The following MTUS2 variants were observed in gnomAD, a reference collection of about 807,000 sequenced individuals.
The protein encoded by MTUS2 is microtubule associated scaffold protein 2.
In MTUS2, 40 loss-of-function variants were observed where a neutral mutation model predicts 114.1. That is an observed-to-expected ratio of 0.35 (90% confidence interval 0.27 to 0.46). The LOEUF is 0.46. Among genes scored for constraint, MTUS2 ranks in the 20% least tolerant of loss-of-function variants. The pLI is 1.00. For synonymous variants in MTUS2, 688 were observed against 672.0 expected, an observed-to-expected ratio of 1.02 and a Z score of -0.37; for missense variants, 1,679 against 1,705.4, an observed-to-expected ratio of 0.98 and a Z score of 0.27.
chr13:28,956,109 C>T lies in MTUS2; in HGVS notation c.-242-68348C>T, dbSNP rs1398649835. Among the ~76,000 whole-genome samples, 5 of 147,040 alleles carry T rather than the reference C, an allele frequency of 3.4e-5. No individual in the cohort carries two copies. In the East Asian group the frequency reaches 1.1e-3, roughly 31 times the overall value. On this transcript the variant is annotated intron_variant, in intron 2 of 15. Coordinates refer to ENST00000612955, the MANE Select transcript of MTUS2 (RefSeq NM_001033602.4). Reference sequence around the variant, plus strand: ...AAAGTCCATTCTGTCATTCTTATGCCTTTGCGTCCTCATAGCTTAGCTCCC... The same window carrying T: ...AAAGTCCATTCTGTCATTCTTATGCTTTTGCGTCCTCATAGCTTAGCTCCC...
chr13:29,397,030 A>G (rs1433335400), intron 8 of MTUS2, among the ~76,000 whole-genome samples: 3 of 152,166 alleles, frequency 2.0e-5, no homozygotes, highest in Non-Finnish European at 1.5e-5. Flanking sequence ...GCTCTAGGAA[A>G]ACCTATAAGG....
chr13:28,884,602 CAT>C (rs1878481393), intron 2 of MTUS2, among the ~76,000 whole-genome samples: 2 of 152,176 alleles, frequency 1.3e-5, no homozygotes, highest in South Asian at 4.1e-4. Flanking sequence ...ACGGCACACA[CAT>C]ATACACACTT....
intron 8 of MTUS2, among the ~76,000 whole-genome samples, chr13:29,408,473 G>A (rs1003340856): frequency 3.3e-5 from 5 of 152,022 alleles, no homozygotes; most frequent in African/African-American, 1.2e-4. Context: ...AGGCCACCAT[G>A]CTCAGCTAAA....
At chr13:29,445,706 AGGCCAGCCTGGCCAT>A (rs1878226239) in intron 9 of MTUS2, among the ~76,000 whole-genome samples, 2 of 152,022 alleles carry the variant, frequency 1.3e-5, no homozygotes, top group Admixed American at 1.3e-4. Flanking sequence ...CAGGAGTTCA[AGGCCAGCCTGGCCAT>A]GGCGAACCCC....
intron 2 of MTUS2, among the ~76,000 whole-genome samples, chr13:28,850,312 A>G (rs867311117): frequency 4.6e-5 from 7 of 152,354 alleles, no homozygotes; most frequent in Middle Eastern, 3.4e-3. Context: ...CAGTTTTTGG[A>G]CAGCCCTGTT....
At chr13:28,987,422 T>C (rs1884638971) in intron 2 of MTUS2, among the ~76,000 whole-genome samples, 1 of 151,946 alleles carries the variant, frequency 6.6e-6, no homozygotes, top group Non-Finnish European at 1.5e-5. Context: ...AAGCTGGATA[T>C]CACGGCTTTG....
chr13:29,492,159 TGGTGTGTATGTGATGTGTGTGGTA>T (rs1304879708), intron 11 of MTUS2, among the ~76,000 whole-genome samples: 12 of 16,722 alleles, frequency 7.2e-4, no homozygotes, highest in African/African-American at 1.7e-3. Flanking sequence ...TATGTGTGTG[TGGTGTGTATGTGATGTGTGTGGTA>T]GGTGTGTATG....
At chr13:28,986,851 G>A (rs1022244468) in intron 2 of MTUS2, among the ~76,000 whole-genome samples, 12 of 152,170 alleles carry the variant, frequency 7.9e-5, no homozygotes, top group African/African-American at 2.7e-4. Flanking sequence ...TAATTATTCA[G>A]TCACAGTTGC....
chr13:29,214,473 G>A (rs1293385628), intron 5 of MTUS2, among the ~76,000 whole-genome samples: 2 of 152,076 alleles, frequency 1.3e-5, no homozygotes, highest in Non-Finnish European at 2.9e-5. Flanking sequence ...TTACATTTTG[G>A]TATATTTTTG....
intron 5 of MTUS2, among the ~76,000 whole-genome samples, chr13:29,227,883 A>G (rs1035084222): frequency 2.0e-5 from 3 of 152,204 alleles, no homozygotes; most frequent in Non-Finnish European, 2.9e-5. Flanking sequence ...ATGTTTTGTT[A>G]AAGTCTTATA....
At chr13:29,365,329 A>G (rs540273095) in intron 8 of MTUS2, among the ~76,000 whole-genome samples, 168 of 152,314 alleles carry the variant, frequency 1.1e-3, no homozygotes, top group Non-Finnish European at 1.0e-3. Context: ...AAGTCTTCTC[A>G]ACATTCATGG....
chr13:28,987,124 G>C (rs1418816002), intron 2 of MTUS2, among the ~76,000 whole-genome samples: 1 of 152,204 alleles, frequency 6.6e-6, no homozygotes, highest in African/African-American at 2.4e-5. Context: ...CTCAAAGCTG[G>C]ACCCCTCGGA....
chr13:28,979,265 A>T (rs553355558), intron 2 of MTUS2, among the ~76,000 whole-genome samples: 47 of 152,284 alleles, frequency 3.1e-4, no homozygotes, highest in African/African-American at 1.1e-3. Flanking sequence ...CCAAATTGTT[A>T]TTGATTTCTA....
intron 7 of MTUS2, among the ~76,000 whole-genome samples, chr13:29,348,613 G>A (rs112585379): frequency 0.021 from 3,125 of 152,282 alleles, 94 homozygotes; most frequent in African/African-American, 0.07. Context: ...TACCCTTACT[G>A]ATTTTCTGTC....
intron 5 of MTUS2, among the ~76,000 whole-genome samples, chr13:29,203,641 G>C (rs1292377024): frequency 6.6e-6 from 1 of 152,060 alleles, no homozygotes; most frequent in African/African-American, 2.4e-5. Context: ...CAAATCCAGG[G>C]CCCTGGTGGC....
rs191833018 is a variant in MTUS2, at chr13:29,308,413, A to T, written c.2807-16200A>T. Among the ~76,000 whole-genome samples, 446 of 152,368 alleles carry T rather than the reference A, an allele frequency of 2.9e-3. 1 individual carries two copies. Among genetic ancestry groups the T allele is most frequent in the Non-Finnish European group, 5.0e-3 (339 of 68,040 alleles). ...CATATACAATATTAACTCAAGATGG[A>T]TTAAAGACTTAAATGTAAAACTCAA... On this transcript the variant is annotated intron_variant, in intron 6 of 15. Coordinates refer to ENST00000612955, the MANE Select transcript of MTUS2 (RefSeq NM_001033602.4).
At chr13:28,951,532 C>T (rs1171169473) in intron 2 of MTUS2, among the ~76,000 whole-genome samples, 1 of 152,186 alleles carries the variant, frequency 6.6e-6, no homozygotes, top group Non-Finnish European at 1.5e-5. Flanking sequence ...GGTGCAGTGG[C>T]TCACACCTGT....
At chr13:29,383,142 G>C (rs1213492363) in intron 8 of MTUS2, among the ~76,000 whole-genome samples, 1 of 149,638 alleles carries the variant, frequency 6.7e-6, no homozygotes, top group Non-Finnish European at 1.5e-5. Context: ...TGTTTCCTTG[G>C]CTTCTTCTAG....
chr13:28,994,826 G>A (rs534709606), intron 2 of MTUS2, among the ~76,000 whole-genome samples: 39 of 152,204 alleles, frequency 2.6e-4, no homozygotes, highest in Admixed American at 1.2e-3. Flanking sequence ...AGTAGGTTGC[G>A]AAAATTTTCT....
Sources: allele counts gnomAD v4.1 joint callset (sites outside exome capture counted in the v4.1 genomes callset), GRCh38; gene constraint gnomAD v4.1.1; transcripts MANE v1.5; gene names NCBI Gene and HGNC (gene_info 2026-07-23, HGNC 2026-07-21).